PPP1R1C: variants seen among roughly 807,000 people sequenced by gnomAD.
PPP1R1C encodes protein phosphatase 1 regulatory inhibitor subunit 1C, also known as protein phosphatase 1 regulatory subunit 1C.
Under a neutral mutation model 17.4 loss-of-function variants are expected in PPP1R1C, and 15 were observed. The ratio of observed to expected loss-of-function variants is 0.86; its 90% CI spans 0.58 to 1.33. The LOEUF is 1.33. PPP1R1C is among the 40% of genes most tolerant of loss of function. The probability of loss-of-function intolerance (pLI) is 0.00; values close to 1 mark genes in which losing one functional copy is unlikely to be tolerated. For missense variants in PPP1R1C, 143 were observed against 130.0 expected (o/e 1.10, Z -0.48); for synonymous variants, 35 against 43.1 (o/e 0.81, Z 0.73).
chr2:182,084,277 T>C (rs902425870), intron 4 of PPP1R1C, among the ~76,000 whole-genome samples: 4 of 152,130 alleles, frequency 2.6e-5, no homozygotes, highest in African/African-American at 9.7e-5. Context: ...TTTAATTAGG[T>C]CCCGTTTATT....
intron 2 of PPP1R1C, among the ~76,000 whole-genome samples, chr2:182,004,481 T>C (rs1153731): frequency 0.21 from 32,128 of 151,698 alleles, 4,207 homozygotes; most frequent in Admixed American, 0.39. Context: ...TAAGGAAGAG[T>C]ATGCTGAAAT....
At chr2:182,028,677 G>A (rs1686705579) in intron 2 of PPP1R1C, among the ~76,000 whole-genome samples, 1 of 150,650 alleles carries the variant, frequency 6.6e-6, no homozygotes, top group Admixed American at 6.6e-5. Context: ...GCTGAAAAAA[G>A]TGTATATTTT....
At chr2:181,989,729 GT>G (rs1028148009) in intron 2 of PPP1R1C, among the ~76,000 whole-genome samples, 1 of 151,954 alleles carries the variant, frequency 6.6e-6, no homozygotes, top group Admixed American at 6.5e-5. Flanking sequence ...ACTTCTCTTT[GT>G]TTTTTAAGCA....
At chr2:181,991,347 T>G (rs12621807) in intron 2 of PPP1R1C, among the ~76,000 whole-genome samples, 36,053 of 151,994 alleles carry the variant, frequency 0.24, 4,549 homozygotes, top group East Asian at 0.5. Flanking sequence ...ATCAGTCCCT[T>G]TCTGACAAAT....
intron 4 of PPP1R1C, among the ~76,000 whole-genome samples, chr2:182,100,013 A>G (rs1411079810): frequency 6.6e-6 from 1 of 152,136 alleles, no homozygotes; most frequent in Non-Finnish European, 1.5e-5. Flanking sequence ...AACTTTCTCT[A>G]TTACCTCAGT....
chr2:182,037,265 T>A lies in PPP1R1C; in HGVS notation c.143-24177T>A, dbSNP rs191250745. ...TCCAAGTGAGGATGAAATGTAAATA[T>A]TGTTAAAGAAGACTTGAATCTAAGT... On this transcript the variant is annotated intron_variant, in intron 2 of 4. Coordinates refer to ENST00000682840, the MANE Select transcript of PPP1R1C (RefSeq NM_001080545.3). Among the ~76,000 whole-genome samples the A allele has an allele frequency of 2.3e-3, 351 of 152,326 alleles. 1 individual carries two copies. The highest frequency in any genetic ancestry group is 2.8e-3 in the Non-Finnish European group (190 of 68,018).
At chr2:182,069,921 C>T (rs1688093639) in intron 4 of PPP1R1C, among the ~76,000 whole-genome samples, 1 of 152,154 alleles carries the variant, frequency 6.6e-6, no homozygotes, top group African/African-American at 2.4e-5. Context: ...ACTAATAACA[C>T]ACTGCCACAA....
At chr2:182,030,127 A>G (rs1686768803) in intron 2 of PPP1R1C, among the ~76,000 whole-genome samples, 2 of 146,076 alleles carry the variant, frequency 1.4e-5, no homozygotes, top group South Asian at 4.5e-4. Flanking sequence ...AATTTTTTTC[A>G]AAGTTTTCAA....
intron 4 of PPP1R1C, chr2:182,064,090 TC>T (rs1357944642): frequency 3.0e-6 from 1 of 332,122 alleles, no homozygotes; most frequent in Admixed American, 4.5e-5. Flanking sequence ...AAAGAGATTT[TC>T]CCAGAAGCCC....
intron 2 of PPP1R1C, among the ~76,000 whole-genome samples, chr2:182,004,203 A>C (rs1153732): frequency 0.59 from 90,364 of 152,086 alleles, 27,765 homozygotes; most frequent in East Asian, 0.73. Context: ...CATTTGCTCT[A>C]AGTCCTGTCT....
intron 5 of PPP1R1C, among the ~76,000 whole-genome samples, chr2:182,126,170 T>A (rs955149553): frequency 6.6e-5 from 10 of 152,072 alleles, no homozygotes; most frequent in South Asian, 2.1e-4. Flanking sequence ...TGTATTTTTT[T>A]AAAAGTCTTT....
At chr2:182,067,587 C>T (rs555911766) in intron 4 of PPP1R1C, among the ~76,000 whole-genome samples, 3 of 152,206 alleles carry the variant, frequency 2.0e-5, no homozygotes, top group South Asian at 2.1e-4. Flanking sequence ...TGGACTTTGG[C>T]GGACAAGCCA....
intron 2 of PPP1R1C, among the ~76,000 whole-genome samples, chr2:182,025,416 A>G (rs370352796): frequency 1.0e-4 from 14 of 137,834 alleles, no homozygotes; most frequent in Admixed American, 2.3e-4. Context: ...TGTCCATGTG[A>G]TCTCATTGTT....
intron 2 of PPP1R1C, among the ~76,000 whole-genome samples, chr2:182,043,743 A>C (rs1301054792): frequency 1.3e-5 from 2 of 151,874 alleles, no homozygotes; most frequent in Non-Finnish European, 2.9e-5. Flanking sequence ...TCTATTCCTT[A>C]TTTGTTGCTA....
At chr2:182,124,314 G>GTTTTTTTTTTTTTTT (rs796745919) in intron 5 of PPP1R1C, among the ~76,000 whole-genome samples, 12 of 42,080 alleles carry the variant, frequency 2.9e-4, no homozygotes, top group South Asian at 8.8e-4. Flanking sequence ...GTTTTTTTTT[G>GTTTTTTTTTTTTTTT]TTTTTTTTTT....
At chr2:182,108,796 G>T (rs1574459144) in intron 4 of PPP1R1C, among the ~76,000 whole-genome samples, 1 of 152,032 alleles carries the variant, frequency 6.6e-6, no homozygotes, top group Admixed American at 6.6e-5. Context: ...GTCTTCCAAG[G>T]TTTTGCAGTT....
At chr2:182,046,370 TA>T in intron 2 of PPP1R1C, among the ~76,000 whole-genome samples, 1 of 152,178 alleles carries the variant, frequency 6.6e-6, no homozygotes, top group South Asian at 2.1e-4. Flanking sequence ...AACCCAATAT[TA>T]AACATAGCTT....
intron 2 of PPP1R1C, among the ~76,000 whole-genome samples, chr2:181,988,918 T>C (rs1379666255): frequency 6.6e-6 from 1 of 152,202 alleles, no homozygotes; most frequent in African/African-American, 2.4e-5. Context: ...AATTATAATT[T>C]GATCCTATAA....
At chr2:182,090,752 GTT>G (rs1432195069) in intron 4 of PPP1R1C, among the ~76,000 whole-genome samples, 2 of 152,030 alleles carry the variant, frequency 1.3e-5, no homozygotes, top group African/African-American at 2.4e-5. Context: ...TAACTAGTAA[GTT>G]TTCCAAAACA....
Sources: allele counts gnomAD v4.1 joint callset (sites outside exome capture counted in the v4.1 genomes callset), GRCh38; gene constraint gnomAD v4.1.1; transcripts MANE v1.5; gene names NCBI Gene and HGNC (gene_info 2026-07-23, HGNC 2026-07-21).